The following RALGAPA2 variants were observed in gnomAD, a reference collection of about 807,000 sequenced individuals.
RALGAPA2 encodes the protein ral GTPase-activating protein subunit alpha-2.
In RALGAPA2, 139 loss-of-function variants were observed where a neutral mutation model predicts 230.4. That is an observed-to-expected ratio of 0.60 (90% CI 0.53 to 0.69). The LOEUF (loss-of-function observed/expected upper bound fraction) is 0.69, where lower values mean the gene tolerates loss of function less well. RALGAPA2 is among the 30% of genes least tolerant of loss of function. The probability of loss-of-function intolerance (pLI) is 0.00; values close to 1 mark genes in which losing one functional copy is unlikely to be tolerated. For synonymous variants in RALGAPA2, 847 were observed against 837.8 expected (o/e 1.01, Z -0.19); for missense variants, 2,163 against 2,276.0 (o/e 0.95, Z 1.01).
rs189765070 is a variant in RALGAPA2 at position 20,499,223 on chromosome 20, A to C, written c.5209-3948T>G. 1.1e-3 allele frequency among the ~76,000 whole-genome samples: 161 copies of C among 152,348 alleles called. 1 individual carries two copies. Among genetic ancestry groups the C allele is most frequent in the African/African-American group, 3.7e-3 (154 of 41,590 alleles). On this transcript the variant is annotated intron_variant, in intron 35 of 39. Transcript: ENST00000202677. The stretch of plus-strand genomic sequence containing the variant: ...AAACCTTACAGCTGCAAAAGGTATC[A>C]GCTGAATTTTGATTATTACAGTAGG...
chr20:20,671,473 T>C (rs900238818), intron 3 of RALGAPA2, among the ~76,000 whole-genome samples: 2 of 152,198 alleles, frequency 1.3e-5, no homozygotes, highest in African/African-American at 4.8e-5. Context: ...TTATAAACTA[T>C]CTCTTTACAA....
At chr20:20,627,032 A>G (rs2066509605) in intron 10 of RALGAPA2, among the ~76,000 whole-genome samples, 1 of 152,228 alleles carries the variant, frequency 6.6e-6, no homozygotes, top group South Asian at 2.1e-4. Context: ...GAGCATGAAT[A>G]TGACAACATT....
At chr20:20,650,911 C>A (rs1410495384) in intron 4 of RALGAPA2, among the ~76,000 whole-genome samples, 1 of 152,074 alleles carries the variant, frequency 6.6e-6, no homozygotes. Flanking sequence ...ATTTCAAAAT[C>A]CAAAAGATTA....
At chr20:20,710,197 T>C (rs2069795040) in intron 1 of RALGAPA2, among the ~76,000 whole-genome samples, 2 of 152,222 alleles carry the variant, frequency 1.3e-5, no homozygotes, top group Non-Finnish European at 2.9e-5. Context: ...ATAAAATATA[T>C]GAAAAGCAAA....
intron 1 of RALGAPA2, among the ~76,000 whole-genome samples, chr20:20,703,131 C>G (rs1422290498): frequency 6.6e-6 from 1 of 151,924 alleles, no homozygotes; most frequent in African/African-American, 2.4e-5. Context: ...CGAAATTGCA[C>G]CACTGAACTC....
chr20:20,468,733 G>A (rs2061474456), intron 37 of RALGAPA2, among the ~76,000 whole-genome samples: 3 of 151,702 alleles, frequency 2.0e-5, no homozygotes, highest in South Asian at 2.1e-4. Flanking sequence ...TTCTGTCTGC[G>A]ATTCTGTTCT....
rs757871596 is a variant in RALGAPA2 at position 20,583,095 on chromosome 20, G to A, written c.2662C>T (p.Arg888Cys). The A allele has an allele frequency of 7.4e-6, 12 of 1,613,488 alleles. No homozygotes were observed. Among genetic ancestry groups the A allele is most frequent in the East Asian group, 2.2e-5 (1 of 44,856 alleles). Residue 888 changes from arginine (R) to cysteine (C), a missense_variant, in exon 20 of 40, where the codon CGT (arginine) becomes TGT (cysteine). By Grantham distance (180) the Arg-to-Cys change is radical. Transcript: ENST00000202677. ...GTGGGACTCAGTTGTAACCAATGAC[G>A]GGCATCAGCATCAGCCACAACATCT... is the stretch of plus-strand genomic sequence containing the variant. ...PTDVVADADA[R>C]HWLQLSPTDA...
At position 20,601,111 on chromosome 20, in the gene RALGAPA2, A is replaced by AAAGAG. The variant is rs1191188540; in HGVS notation, c.2203+566_2203+570dup. 3.9e-5 allele frequency among the ~76,000 whole-genome samples: 6 copies of AAAGAG among 152,274 alleles called. No homozygotes were observed. The South Asian group carries it at 1.2e-3, about 32-fold the overall frequency. On this transcript the variant is annotated intron_variant, in intron 16 of 39. Coordinates refer to ENST00000202677, the MANE Select transcript of RALGAPA2 (RefSeq NM_020343.4). ...CGAGACTCTGTCTCAAAAAAAAAGA[A>AAAGAG]AAGAGAAGAGAAGAAAAGAAAAGAA... is the stretch of plus-strand genomic sequence containing the variant.
chr20:20,525,414 C>T (rs955513542), intron 28 of RALGAPA2, among the ~76,000 whole-genome samples: 3 of 152,174 alleles, frequency 2.0e-5, no homozygotes, highest in Non-Finnish European at 4.4e-5. Flanking sequence ...CTCCATTTCA[C>T]TCTAGGTCAC....
chr20:20,408,019 G>C (rs1314610624), intron 38 of RALGAPA2, among the ~76,000 whole-genome samples: 1 of 152,158 alleles, frequency 6.6e-6, no homozygotes, highest in African/African-American at 2.4e-5. Context: ...AAGTATTTCT[G>C]ACCATATCTT....
intron 37 of RALGAPA2, among the ~76,000 whole-genome samples, chr20:20,443,945 A>T (rs2060802069): frequency 6.6e-6 from 1 of 152,250 alleles, no homozygotes; most frequent in South Asian, 2.1e-4. Context: ...GGGGCTGCTT[A>T]ATGCCTTAGG....
chr20:20,449,005 T>G (rs2060928402), intron 37 of RALGAPA2, among the ~76,000 whole-genome samples: 1 of 152,172 alleles, frequency 6.6e-6, no homozygotes, highest in African/African-American at 2.4e-5. Flanking sequence ...ACATCTTATT[T>G]AACAACCTGA....
At chr20:20,494,853 T>C (rs1181247616) in intron 36 of RALGAPA2, among the ~76,000 whole-genome samples, 1 of 152,202 alleles carries the variant, frequency 6.6e-6, no homozygotes, top group Non-Finnish European at 1.5e-5. Context: ...ACTTAAAACA[T>C]TTACAAAATA....
At chr20:20,637,569 G>C (rs1475944580) in intron 7 of RALGAPA2, 68 bp from the exon 8 acceptor site, 1 of 1,308,926 alleles carries the variant, frequency 7.6e-7, no homozygotes, top group African/African-American at 1.5e-5. Context: ...CTAAACTGAA[G>C]TGTTGTTATG....
chr20:20,612,632 G>A (rs577728659), intron 13 of RALGAPA2, among the ~76,000 whole-genome samples: 1 of 152,244 alleles, frequency 6.6e-6, no homozygotes, highest in African/African-American at 2.4e-5. Context: ...TGCACTGCAT[G>A]CTACTTGTCC....
In RALGAPA2 at chr20:20,390,946, T is replaced by C. The variant is rs1308248736; in HGVS notation, c.*2343A>G. On this transcript the variant is annotated 3_prime_UTR_variant, in exon 40 of 40. Coordinates refer to ENST00000202677, the MANE Select transcript of RALGAPA2 (RefSeq NM_020343.4). ...GGGTTGAGTTATTTGCTGCCTACAA[T>C]TGAATTTCCCACCCCAAGGTAGGGA... The C allele has an allele frequency of 1.3e-5, 2 of 152,210 alleles. No homozygotes were observed. The highest frequency in any genetic ancestry group is 2.4e-5 in the African/African-American group (1 of 41,450). 9.4% of individuals were successfully genotyped at this position (152,210 alleles called of 1,614,324 possible).
Position 20,526,311 on chromosome 20 carries a change from CCAG to C in RALGAPA2, c.3631_3633del (p.Leu1211del). ...ATCTGAAGCTTCTCCCAGTAGGAAA[CCAG>C]CAACTGAAGGACATCGCAAGCTACC... On this transcript the variant is annotated inframe_deletion, in exon 28 of 40. Coordinates refer to ENST00000202677, the MANE Select transcript of RALGAPA2 (RefSeq NM_020343.4). The C allele has an allele frequency of 6.2e-7, 1 of 1,608,528 alleles. No homozygotes were observed. The highest frequency in any genetic ancestry group is 8.5e-7 in the Non-Finnish European group (1 of 1,178,578).
At chr20:20,497,398 A>G (rs1249655618) in intron 35 of RALGAPA2, among the ~76,000 whole-genome samples, 1 of 152,184 alleles carries the variant, frequency 6.6e-6, no homozygotes, top group Non-Finnish European at 1.5e-5. Flanking sequence ...AGTAATTGTG[A>G]GAACTGGGGC....
At chr20:20,639,326 T>G (rs2146496647) in intron 7 of RALGAPA2, among the ~76,000 whole-genome samples, 2 of 152,358 alleles carry the variant, frequency 1.3e-5, no homozygotes, top group Middle Eastern at 3.4e-3. Flanking sequence ...AAATCTCCTA[T>G]TAAAATCATA....
Sources: allele counts gnomAD v4.1 joint callset (sites outside exome capture counted in the v4.1 genomes callset), GRCh38; gene constraint gnomAD v4.1.1; transcripts MANE v1.5; gene names NCBI Gene and HGNC (gene_info 2026-07-23, HGNC 2026-07-21).